DNTT: variants seen among roughly 807,000 people sequenced by gnomAD.
DNTT encodes DNA nucleotidylexotransferase, also known as nucleosidetriphosphate:DNA deoxynucleotidylexotransferase.
DNTT carries 47 observed loss-of-function variants against 60.9 expected under a neutral mutation model. That is an observed-to-expected ratio of 0.77 (90% CI 0.61 to 0.98). The LOEUF (loss-of-function observed/expected upper bound fraction) is 0.98. DNTT is among the 50% of genes least tolerant of loss of function. The probability of loss-of-function intolerance (pLI) is 0.00; values close to 1 mark genes in which losing one functional copy is unlikely to be tolerated. For missense variants in DNTT, 665 were observed against 627.5 expected (o/e 1.06, Z -0.64); for synonymous variants, 224 against 221.2 (o/e 1.01, Z -0.11).
chr10:96,319,067 A>AT (rs1012598800), intron 2 of DNTT, among the ~76,000 whole-genome samples, 195 bp from the exon 3 acceptor site: 9 of 151,362 alleles, frequency 5.9e-5, no homozygotes, highest in South Asian at 2.1e-4. Context: ...AGGTCTTTTC[A>AT]TTTTTTTTTC....
At chr10:96,334,257 G>A (rs536988142) in intron 9 of DNTT, among the ~76,000 whole-genome samples, 126 of 152,198 alleles carry the variant, frequency 8.3e-4, no homozygotes, top group Admixed American at 2.0e-3. Flanking sequence ...CAATTTTCCC[G>A]TCAGGAAAAT....
At position 96,320,999 on chromosome 10, in the gene DNTT, T is replaced by C. The variant is rs11498532; in HGVS notation, c.678+211T>C. 7.4e-3 allele frequency among the ~76,000 whole-genome samples: 1,125 copies of C among 152,028 alleles called. 8 individuals carry two copies. Among genetic ancestry groups the C allele is most frequent in the African/African-American group, 0.022 (895 of 41,452 alleles). ...ATTTTTATACACATACACACACACA[T>C]ACACATATATATATGTTAGGGGTTG... is the stretch of plus-strand genomic sequence containing the variant. On this transcript the variant is annotated intron_variant, in intron 4 of 10. Transcript: ENST00000371174.
At chr10:96,324,131 G>A (rs1039482324) in intron 5 of DNTT, 135 bp from the exon 6 acceptor site, 223 of 1,217,428 alleles carry the variant, frequency 1.8e-4, no homozygotes, top group Non-Finnish European at 2.3e-4. Flanking sequence ...CCACCTGCTC[G>A]TTATATTCAG....
intron 8 of DNTT, 32 bp downstream of exon 8, chr10:96,328,862 G>T (rs765598826): frequency 6.3e-7 from 1 of 1,591,372 alleles, no homozygotes; most frequent in Non-Finnish European, 8.6e-7. Context: ...ACATGCACAC[G>T]CAAACATTAT....
chr10:96,332,342 T>C lies in DNTT; in HGVS notation c.1114-9T>C, dbSNP rs759357865. ...GGCCTTTTCCTGATGCCATTCTGTT[T>C]CTTTTCAGGGATTACTTTTATATTA... is the stretch of plus-strand genomic sequence containing the variant. On this transcript the variant is annotated splice_polypyrimidine_tract_variant and intron_variant, in intron 8 of 10. Coordinates refer to ENST00000371174, the MANE Select transcript of DNTT (RefSeq NM_004088.4). The C allele has an allele frequency of 6.2e-7, 1 of 1,610,946 alleles. No homozygotes were observed. The highest frequency in any genetic ancestry group is 1.1e-5 in the South Asian group (1 of 90,970).
At position 96,318,449 on chromosome 10, in the gene DNTT, C is replaced by T. The variant is rs201835824; in HGVS notation, c.301C>T (p.Leu101Phe). Residue 101 changes from leucine (L) to phenylalanine (F), a missense_variant, in exon 2 of 11, where the codon CTC becomes TTC. By Grantham distance (22) the Leu-to-Phe change is conservative. Transcript: ENST00000371174. ...AGTACAAGTCAGCTCACAACCAGAG[C>T]TCCTCGATGTCTCCTGGCTGATCGA... ...QKVQVSSQPE[L>F]LDVSWLIECI... is the part of the protein sequence containing the mutation. The T allele has an allele frequency of 1.0e-4, 161 of 1,613,992 alleles. 1 individual carries two copies. The highest frequency in any genetic ancestry group is 2.9e-4 in the African/African-American group (22 of 75,030).
chr10:96,317,587 G>A (rs1844801551), intron 1 of DNTT, among the ~76,000 whole-genome samples: 1 of 152,164 alleles, frequency 6.6e-6, no homozygotes, highest in African/African-American at 2.4e-5. Context: ...ATTAGAAGGT[G>A]GGGCCTTTGG....
intron 10 of DNTT, 22 bp from the exon 11 acceptor site, chr10:96,338,116 A>T: frequency 6.2e-7 from 1 of 1,602,212 alleles, no homozygotes; most frequent in Non-Finnish European, 8.5e-7. Flanking sequence ...CTGAATGCAC[A>T]TATTTCTTGT....
chr10:96,317,407 T>C (rs957779902), intron 1 of DNTT, among the ~76,000 whole-genome samples: 1 of 152,236 alleles, frequency 6.6e-6, no homozygotes, highest in Non-Finnish European at 1.5e-5. Context: ...AAAAGATCCC[T>C]GTCCATGCTT....
intron 8 of DNTT, among the ~76,000 whole-genome samples, chr10:96,329,486 C>T (rs1332236052): frequency 6.6e-6 from 1 of 152,222 alleles, no homozygotes; most frequent in African/African-American, 2.4e-5. Flanking sequence ...ACCAGAGGGT[C>T]CTACCCTTGG....
intron 1 of DNTT, among the ~76,000 whole-genome samples, chr10:96,308,169 T>G (rs1275169215): frequency 6.6e-6 from 1 of 152,246 alleles, no homozygotes; most frequent in East Asian, 1.9e-4. Context: ...AGAAGAAACC[T>G]GATTCCTGCT....
intron 1 of DNTT, among the ~76,000 whole-genome samples, chr10:96,313,050 AAGG>A (rs200260719): frequency 0.014 from 2,097 of 152,270 alleles, 21 homozygotes; most frequent in Non-Finnish European, 0.021. Context: ...GCACTAGTTG[AAGG>A]AGGAGACCCT....
chr10:96,307,461 A>T lies in DNTT; in HGVS notation c.203+2761A>T, dbSNP rs1229587688. ...CCTCCACCTCCCAGGTTCAAGCGATACTCCTGCCTAAGCCTCCTGAACAGC... is the reference window on the plus strand; with the variant it reads ...CCTCCACCTCCCAGGTTCAAGCGATTCTCCTGCCTAAGCCTCCTGAACAGC... On this transcript the variant is annotated intron_variant, in intron 1 of 10. Transcript: ENST00000371174. Among the ~76,000 whole-genome samples, 6 of 140,674 alleles carry T rather than the reference A, an allele frequency of 4.3e-5. No homozygotes were observed. The East Asian group carries it at 1.1e-3, about 25-fold the overall frequency. 92.3% of individuals were successfully genotyped at this position (140,674 alleles called of 152,430 possible).
intron 1 of DNTT, among the ~76,000 whole-genome samples, chr10:96,305,205 C>A (rs1844619775): frequency 6.6e-6 from 1 of 152,092 alleles, no homozygotes; most frequent in Non-Finnish European, 1.5e-5. Context: ...TGGCCTTGAC[C>A]ACATTTTTCC....
intron 1 of DNTT, among the ~76,000 whole-genome samples, chr10:96,311,054 A>G (rs1180728502): frequency 2.0e-5 from 3 of 152,238 alleles, no homozygotes; most frequent in Non-Finnish European, 4.4e-5. Flanking sequence ...AGATCGTCTC[A>G]GTCATAAGTA....
chr10:96,334,139 T>G (rs1845040222), intron 9 of DNTT, among the ~76,000 whole-genome samples: 1 of 152,108 alleles, frequency 6.6e-6, no homozygotes. Context: ...GCTATAAAAT[T>G]TTTCTGAAAG....
intron 8 of DNTT, among the ~76,000 whole-genome samples, chr10:96,329,836 G>C (rs1844984871): frequency 6.6e-6 from 1 of 152,176 alleles, no homozygotes; most frequent in Non-Finnish European, 1.5e-5. Flanking sequence ...AGGCACCTGA[G>C]ACTAAATTTG....
chr10:96,324,980 C>A (rs941993), intron 6 of DNTT, among the ~76,000 whole-genome samples: 141,777 of 152,234 alleles, frequency 0.93, 66,832 homozygotes, highest in East Asian at 1. Context: ...AGGACTCTTT[C>A]GCCTAAGACA....
chr10:96,328,975 A>G, intron 8 of DNTT, 145 bp downstream of exon 8: 1 of 778,080 alleles, frequency 1.3e-6, no homozygotes, highest in Non-Finnish European at 2.0e-6. Flanking sequence ...CATATGACCT[A>G]CAATAAGACT....
Sources: allele counts gnomAD v4.1 joint callset (sites outside exome capture counted in the v4.1 genomes callset), GRCh38; gene constraint gnomAD v4.1.1; transcripts MANE v1.5; gene names NCBI Gene and HGNC (gene_info 2026-07-23, HGNC 2026-07-21).